The following GALNT13 variants were observed in gnomAD, a reference collection of about 807,000 sequenced individuals.
GALNT13 encodes polypeptide N-acetylgalactosaminyltransferase 13, also known as UDP-GalNAc:polypeptide N-acetylgalactosaminyltransferase 13.
In GALNT13, 28 loss-of-function variants were observed where a neutral mutation model predicts 64.2. That is an observed-to-expected ratio of 0.44 (90% CI 0.32 to 0.60). GALNT13 has a LOEUF of 0.60. Ranked by LOEUF, GALNT13 falls within the 20% of genes least tolerant of loss-of-function variation. GALNT13 has a pLI of 0.05. For missense variants in GALNT13, 577 were observed against 669.8 expected (o/e 0.86, Z 1.53); for synonymous variants, 214 against 224.6 (o/e 0.95, Z 0.42).
chr2:154,237,340 A>G (rs1689244256), intron 4 of GALNT13, among the ~76,000 whole-genome samples: 1 of 151,680 alleles, frequency 6.6e-6, no homozygotes, highest in South Asian at 2.1e-4. Flanking sequence ...TCCTTTTTAT[A>G]TCACAAAGAA....
chr2:153,790,301 T>G, the GALNT13 span, among the ~76,000 whole-genome samples: 2 of 152,162 alleles, frequency 1.3e-5, no homozygotes, highest in African/African-American at 4.8e-5. Flanking sequence ...TAATGTGATT[T>G]ATCACATAAA....
chr2:153,727,390 T>A, the GALNT13 span, among the ~76,000 whole-genome samples: 27 of 152,350 alleles, frequency 1.8e-4, no homozygotes, highest in African/African-American at 6.0e-4. Context: ...ATTCTACTGT[T>A]GATGCATTTG....
At chr2:153,656,844 T>C in the GALNT13 span, among the ~76,000 whole-genome samples, 26 of 151,940 alleles carry the variant, frequency 1.7e-4, no homozygotes, top group Non-Finnish European at 2.9e-4. Context: ...CAGTCACACA[T>C]TGGGATGAAG....
At chr2:153,161,270 T>C in the GALNT13 span, among the ~76,000 whole-genome samples, 788 of 152,278 alleles carry the variant, frequency 5.2e-3, 6 homozygotes, top group African/African-American at 0.018. Context: ...AGTGTCAGTG[T>C]CTTCATTCCT....
chr2:153,219,655 T>C, the GALNT13 span, among the ~76,000 whole-genome samples: 2 of 152,246 alleles, frequency 1.3e-5, no homozygotes, highest in Non-Finnish European at 2.9e-5. Flanking sequence ...GTATCTACTA[T>C]AGGTAAGATG....
intron 12 of GALNT13, chr2:154,446,009 T>C (rs576122467): frequency 4.0e-5 from 15 of 373,556 alleles, no homozygotes; most frequent in African/African-American, 2.7e-4. Context: ...ACCTTTCTAA[T>C]TGACATCTAA....
chr2:153,109,360 T>C, the GALNT13 span, among the ~76,000 whole-genome samples: 1 of 152,152 alleles, frequency 6.6e-6, no homozygotes, highest in African/African-American at 2.4e-5. Context: ...AAGCATTTGC[T>C]GGACATGTTG....
chr2:153,554,785 T>C, the GALNT13 span, among the ~76,000 whole-genome samples: 2 of 152,162 alleles, frequency 1.3e-5, no homozygotes, highest in East Asian at 1.9e-4. Flanking sequence ...TTTCACCCTA[T>C]GTTAATGCCT....
chr2:153,726,471 A>C, the GALNT13 span, among the ~76,000 whole-genome samples: 1 of 152,244 alleles, frequency 6.6e-6, no homozygotes, highest in Admixed American at 6.5e-5. Flanking sequence ...AAATTCCTGC[A>C]AAGTAAATTT....
At chr2:154,040,820 A>T (rs1698932014) in intron 3 of GALNT13, among the ~76,000 whole-genome samples, 1 of 140,156 alleles carries the variant, frequency 7.1e-6, no homozygotes, top group Non-Finnish European at 1.6e-5. Flanking sequence ...GCAAAGGTAA[A>T]AATACTTTTA....
At chr2:153,156,985 T>G in the GALNT13 span, among the ~76,000 whole-genome samples, 1 of 151,920 alleles carries the variant, frequency 6.6e-6, no homozygotes, top group Non-Finnish European at 1.5e-5. Flanking sequence ...CTCAAAAGAG[T>G]TGGAAATGAC....
intron 3 of GALNT13, among the ~76,000 whole-genome samples, chr2:154,013,844 G>A (rs1696813289): frequency 6.6e-6 from 1 of 152,178 alleles, no homozygotes; most frequent in South Asian, 2.1e-4. Flanking sequence ...TGCCAAAGCA[G>A]TGAGGGGAGG....
the GALNT13 span, among the ~76,000 whole-genome samples, chr2:153,416,643 A>G: frequency 6.6e-5 from 10 of 152,184 alleles, no homozygotes. Context: ...TACAGAAGTT[A>G]GTTTTTTAGA....
At chr2:153,931,196 G>T (rs1462388242) in intron 2 of GALNT13, among the ~76,000 whole-genome samples, 1 of 150,024 alleles carries the variant, frequency 6.7e-6, no homozygotes, top group Non-Finnish European at 1.5e-5. Context: ...CATTGATTTT[G>T]TATGCTGAAG....
the GALNT13 span, among the ~76,000 whole-genome samples, chr2:153,810,243 G>A: frequency 1.3e-5 from 2 of 152,076 alleles, no homozygotes; most frequent in Admixed American, 6.6e-5. Flanking sequence ...GATTACAGCC[G>A]TGGGCCATGG....
the GALNT13 span, among the ~76,000 whole-genome samples, chr2:153,528,049 A>G: frequency 1.3e-5 from 2 of 151,982 alleles, no homozygotes; most frequent in South Asian, 2.1e-4. Flanking sequence ...CAGAAAACCA[A>G]TAACAAGTGG....
chr2:154,306,952 C>T (rs1297807431), intron 9 of GALNT13, among the ~76,000 whole-genome samples: 1 of 151,468 alleles, frequency 6.6e-6, no homozygotes, highest in Admixed American at 6.6e-5. Flanking sequence ...GCAGACTAGT[C>T]CCTAGGCAAG....
chr2:153,080,086 G>A, the GALNT13 span, among the ~76,000 whole-genome samples: 1 of 152,122 alleles, frequency 6.6e-6, no homozygotes, highest in Non-Finnish European at 1.5e-5. Flanking sequence ...GTCATTTCCT[G>A]TGGTTTTTGT....
chr2:153,306,910 C>T, the GALNT13 span, among the ~76,000 whole-genome samples: 12 of 152,060 alleles, frequency 7.9e-5, no homozygotes, highest in Middle Eastern at 3.2e-3. Flanking sequence ...CTAATTTTTT[C>T]CTTTTGGTAG....
Sources: gnomAD v4.1 joint callset for allele counts (sites outside exome capture counted in the v4.1 genomes callset) on GRCh38, gnomAD v4.1.1 for gene constraint, MANE v1.5 for transcripts, NCBI Gene and HGNC (gene_info 2026-07-23, HGNC 2026-07-21) for gene names.